The following PIK3CD variants were observed in gnomAD, a reference collection of about 807,000 sequenced individuals.
The protein encoded by PIK3CD is phosphatidylinositol 4,5-bisphosphate 3-kinase catalytic subunit delta isoform.
A neutral mutation model predicts 122.9 loss-of-function variants in PIK3CD; 20 were observed. That is an observed-to-expected ratio of 0.16 (90% CI 0.11 to 0.24). The LOEUF is 0.24. Ranked by LOEUF, PIK3CD falls within the 10% of genes least tolerant of loss-of-function variation. The probability of loss-of-function intolerance (pLI) is 1.00; values close to 1 mark genes in which losing one functional copy is unlikely to be tolerated. For missense variants in PIK3CD, 787 were observed against 1,406.3 expected (o/e 0.56, Z 7.04); for synonymous variants, 596 against 593.4 (o/e 1.00, Z -0.06).
At position 9,718,238 on chromosome 1, in the gene PIK3CD, G is replaced by A. The variant is rs1049916785; in HGVS notation, c.1021-456G>A. On this transcript the variant is annotated intron_variant, in intron 8 of 23. Transcript: ENST00000377346. This position sits in a 1 kb window ranked among gnomAD's most constrained non-coding sequence, Gnocchi z 7.2. ...GGTCTGGGTTCCACTGGCAGGAATC[G>A]AGGGGGACTGGATCAGAGGGACTTC... is the stretch of plus-strand genomic sequence containing the variant. 5 of 468,766 alleles carry A rather than the reference G, an allele frequency of 1.1e-5. No homozygotes were observed. Among genetic ancestry groups the A allele is most frequent in the East Asian group, 6.6e-5 (1 of 15,264 alleles). 29.0% of individuals were successfully genotyped at this position (468,766 alleles called of 1,614,324 possible).
chr1:9,718,867 C>T lies in PIK3CD; in HGVS notation c.1194C>T (p.Ile398=), dbSNP rs760322402. ...ARLCFALYAV[I]EKAKKARSTK... Reference sequence around the variant, plus strand: ...TCTGCTTTGCGCTGTACGCCGTGATCGAGAAAGCCAAGAAGGCTCGCTCCA... The same window carrying T: ...TCTGCTTTGCGCTGTACGCCGTGATTGAGAAAGCCAAGAAGGCTCGCTCCA... The change falls in exon 9 of 24, where the codon ATC becomes ATT. Residue 398 remains isoleucine (I), a synonymous_variant. Coordinates refer to ENST00000377346, the MANE Select transcript of PIK3CD (RefSeq NM_005026.5). The surrounding 1 kb of genome is among the most constrained non-coding windows in gnomAD (Gnocchi z 7.2). 14 of 1,613,066 alleles carry T rather than the reference C, an allele frequency of 8.7e-6. No homozygotes were observed. The highest frequency in any genetic ancestry group is 1.6e-4 in the Middle Eastern group (1 of 6,084).
intron 1 of PIK3CD, among the ~76,000 whole-genome samples, chr1:9,669,423 G>A (rs1406635529): frequency 6.6e-6 from 1 of 152,180 alleles, no homozygotes; most frequent in East Asian, 1.9e-4. Flanking sequence ...AGTCTCAAGA[G>A]GTCCTGAGAA....
At chr1:9,673,077 A>T (rs1391345685) in intron 1 of PIK3CD, among the ~76,000 whole-genome samples, 1 of 150,792 alleles carries the variant, frequency 6.6e-6, no homozygotes, top group Non-Finnish European at 1.5e-5. Context: ...CATGCAACGT[A>T]TAATCCACTT....
intron 1 of PIK3CD, chr1:9,681,138 G>C (rs574142376): frequency 6.6e-6 from 1 of 152,046 alleles, no homozygotes; most frequent in African/African-American, 2.4e-5. Context: ...TGAGAGCACT[G>C]GAGAGAGACA....
chr1:9,715,467 TCCA>T lies in PIK3CD; in HGVS notation c.142-71_142-69del, dbSNP rs528860002. ...GGACCCCCAGGCTGGAGGCCAGCTCTCCACCCTCCCTCAGCCTCCCACCTCCCA... is the reference window on the plus strand; with the variant it reads ...GGACCCCCAGGCTGGAGGCCAGCTCTCCCTCCCTCAGCCTCCCACCTCCCA... On this transcript the variant is annotated intron_variant, in intron 3 of 23. Transcript: ENST00000377346. This position sits in a 1 kb window ranked among gnomAD's most constrained non-coding sequence, Gnocchi z 4.1. 14 of 1,368,620 alleles carry T rather than the reference TCCA, an allele frequency of 1.0e-5. No individual in the cohort carries two copies. The Admixed American group carries it at 2.4e-4, about 23-fold the overall frequency. 84.8% of individuals were successfully genotyped at this position (1,368,620 alleles called of 1,614,324 possible). A position where few individuals can be genotyped will look rare whatever the true frequency, so the allele number is the denominator to read the frequency against.
intron 1 of PIK3CD, chr1:9,672,454 G>C (rs1012727825): frequency 6.6e-6 from 1 of 152,050 alleles, no homozygotes; most frequent in African/African-American, 2.4e-5. Flanking sequence ...TTAGAGACAG[G>C]GTCTAGCTCT....
At chr1:9,638,656 C>T in the PIK3CD span, among the ~76,000 whole-genome samples, 7 of 133,590 alleles carry the variant, frequency 5.2e-5, no homozygotes, top group South Asian at 2.7e-4. Flanking sequence ...GGCCAGAACC[C>T]GGGAGGCGGA....
intron 1 of PIK3CD, among the ~76,000 whole-genome samples, chr1:9,690,785 CCCACCTAGT>C (rs1646170223): frequency 6.6e-6 from 1 of 152,260 alleles, no homozygotes; most frequent in African/African-American, 2.4e-5. Flanking sequence ...TAAATCGAAG[CCCACCTAGT>C]GGGCTCTGGG....
At chr1:9,647,481 AATT>A (rs61118085), upstream of PIK3CD, among the ~76,000 whole-genome samples, 2,313 of 139,418 alleles carry the variant, frequency 0.017, 35 homozygotes, top group Admixed American at 0.036. Context: ...TCATGATTCT[AATT>A]ATTATTATTA....
rs1370977341 is a variant in PIK3CD at position 9,722,184 on chromosome 1, C to T, written c.2234+31C>T. 11 of 1,612,046 alleles carry T rather than the reference C, an allele frequency of 6.8e-6. No homozygotes were observed. The highest frequency in any genetic ancestry group is 8.5e-6 in the Non-Finnish European group (10 of 1,179,448). On this transcript the variant is annotated intron_variant, in intron 17 of 23. Transcript: ENST00000377346. This position sits in a 1 kb window ranked among gnomAD's most constrained non-coding sequence, Gnocchi z 7.6. ...CCCAAGCCCCGCCACAAGGGTTCCT[C>T]CCACCCCTGGGAGGCCGGTAGAGGA...
chr1:9,677,975 T>G (rs898174266), intron 1 of PIK3CD, among the ~76,000 whole-genome samples: 3 of 151,692 alleles, frequency 2.0e-5, no homozygotes, highest in Non-Finnish European at 2.9e-5. Context: ...TGAAACCCCG[T>G]CTGTACTAAA....
intron 1 of PIK3CD, among the ~76,000 whole-genome samples, chr1:9,661,124 G>A (rs1644997021): frequency 6.6e-6 from 1 of 152,002 alleles, no homozygotes; most frequent in African/African-American, 2.4e-5. Context: ...TAGTAGAGAT[G>A]GGGTTTCATC....
At chr1:9,671,706 A>AC (rs1645334371) in intron 1 of PIK3CD, among the ~76,000 whole-genome samples, 3 of 152,094 alleles carry the variant, frequency 2.0e-5, no homozygotes, top group Non-Finnish European at 4.4e-5. Flanking sequence ...TCGGCCCCCC[A>AC]AAGTGCTGGA....
chr1:9,663,415 C>T (rs778734372), intron 1 of PIK3CD, among the ~76,000 whole-genome samples: 3 of 152,132 alleles, frequency 2.0e-5, no homozygotes, highest in Non-Finnish European at 4.4e-5. Flanking sequence ...CTGTGGGGCC[C>T]GTATCCCCTC....
upstream of PIK3CD, among the ~76,000 whole-genome samples, chr1:9,649,116 C>CAAAA (rs1442379938): frequency 6.6e-6 from 1 of 151,452 alleles, no homozygotes; most frequent in East Asian, 2.0e-4. Context: ...AACAAACAAA[C>CAAAA]AAACAAAAAA....
At chr1:9,659,266 C>T (rs527544802) in intron 1 of PIK3CD, among the ~76,000 whole-genome samples, 54 of 152,234 alleles carry the variant, frequency 3.5e-4, no homozygotes, top group Admixed American at 2.5e-3. Flanking sequence ...CCGTAGCACA[C>T]GTTTACCTAT....
In PIK3CD at chr1:9,718,609, T is replaced by G; in HGVS notation, c.1021-85T>G. The G allele has an allele frequency of 7.8e-7, 1 of 1,284,448 alleles. No individual in the cohort carries two copies. The highest frequency in any genetic ancestry group is 1.1e-6 in the Non-Finnish European group (1 of 902,138). The allele number at this position is 1,284,448 out of a possible 1,614,324, so 79.6% of individuals were successfully genotyped here. A position where few individuals can be genotyped will look rare whatever the true frequency, so the allele number is the denominator to read the frequency against. ...AGAGTTCAGACCCACCTGAGGACAT[T>G]CAAGGGGGAGACTGACACCTTAAGG... On this transcript the variant is annotated intron_variant, in intron 8 of 23. Coordinates refer to ENST00000377346, the MANE Select transcript of PIK3CD (RefSeq NM_005026.5). The surrounding 1 kb of genome is among the most constrained non-coding windows in gnomAD (Gnocchi z 7.2).
chr1:9,671,372 T>G (rs540001952), intron 1 of PIK3CD, among the ~76,000 whole-genome samples: 2 of 152,282 alleles, frequency 1.3e-5, no homozygotes, highest in African/African-American at 4.8e-5. Context: ...GTGCTGGGAT[T>G]ATAGGTGTGA....
At position 9,720,039 on chromosome 1, in the gene PIK3CD, A is replaced by C. The variant is rs752937576; in HGVS notation, c.1339+22A>C. On this transcript the variant is annotated intron_variant, in intron 10 of 23. Transcript: ENST00000377346. This position sits in a 1 kb window ranked among gnomAD's most constrained non-coding sequence, Gnocchi z 9.0. ...CCAGGTCGGCCCAGGCCCAGGAGGG[A>C]GAGGCGTTGGGAGTGTGAGGGTCCC... 8 of 1,613,310 alleles carry C rather than the reference A, an allele frequency of 5.0e-6. No individual in the cohort carries two copies. The highest frequency in any genetic ancestry group is 5.1e-6 in the Non-Finnish European group (6 of 1,179,952).
Sources: gnomAD v4.1 joint callset for allele counts (sites outside exome capture counted in the v4.1 genomes callset) on GRCh38, gnomAD v4.1.1 for gene constraint, Gnocchi (gnomAD v3.1) non-coding constraint, MANE v1.5 for transcripts, NCBI Gene and HGNC (gene_info 2026-07-23, HGNC 2026-07-21) for gene names.